PDE12: variants seen among roughly 807,000 people sequenced by gnomAD.
PDE12 encodes the protein 2',5'-phosphodiesterase 12.
PDE12 carries 26 observed loss-of-function variants against 45.4 expected under a neutral mutation model. That is an observed-to-expected ratio of 0.57 (90% CI 0.42 to 0.79). The LOEUF (loss-of-function observed/expected upper bound fraction) is 0.79, where lower values mean the gene tolerates loss of function less well. Among genes scored for constraint, PDE12 ranks in the 30% least tolerant of loss-of-function variants. The pLI is 0.00. For synonymous variants in PDE12, 283 were observed against 323.9 expected, an observed-to-expected ratio of 0.87 and a Z score of 1.36; for missense variants, 668 against 790.0, an observed-to-expected ratio of 0.85 and a Z score of 1.85.
At chr3:57,609,041 GACA>G in the PDE12 span, among the ~76,000 whole-genome samples, 1 of 152,142 alleles carries the variant, frequency 6.6e-6, no homozygotes, top group South Asian at 2.1e-4. Context: ...CTGTCTGTCA[GACA>G]ACAGTGCAAT....
the PDE12 span, among the ~76,000 whole-genome samples, chr3:57,644,981 A>T: frequency 6.6e-6 from 1 of 151,920 alleles, no homozygotes. Context: ...TGGAGATCGT[A>T]CATGCAGATT....
chr3:57,601,071 T>C, the PDE12 span: 1 of 152,156 alleles, frequency 6.6e-6, no homozygotes, highest in Non-Finnish European at 1.5e-5. Context: ...CTCAAAAGCA[T>C]GTACTCATAA....
Position 57,561,939 on chromosome 3 carries a change from A to G in PDE12, c.*1935A>G. ...TCTTGTTTAGAAAAAACTATAAATA[A>G]AAAATTGATGCTACCAAATTGTGCC... On this transcript the variant is annotated 3_prime_UTR_variant, in exon 3 of 3. Coordinates refer to ENST00000311180, the MANE Select transcript of PDE12 (RefSeq NM_177966.7). 1 of 984,860 alleles carries G rather than the reference A, an allele frequency of 1.0e-6. No homozygotes were observed. Among genetic ancestry groups the G allele is most frequent in the Non-Finnish European group, 1.2e-6 (1 of 829,394 alleles). The allele number at this position is 984,860 out of a possible 1,614,324, so 61.0% of individuals were successfully genotyped here.
At chr3:57,633,353 C>T in the PDE12 span, 1 of 1,609,936 alleles carries the variant, frequency 6.2e-7, no homozygotes, top group South Asian at 1.1e-5. Flanking sequence ...CTGTTGTACA[C>T]CCTTAAAAGA....
At chr3:57,574,829 G>A in the PDE12 span, among the ~76,000 whole-genome samples, 4 of 151,960 alleles carry the variant, frequency 2.6e-5, no homozygotes, top group African/African-American at 9.7e-5. Flanking sequence ...GACCAGCCTA[G>A]CAACAAAGCG....
At chr3:57,622,911 G>A in the PDE12 span, among the ~76,000 whole-genome samples, 3 of 152,076 alleles carry the variant, frequency 2.0e-5, no homozygotes, top group Non-Finnish European at 2.9e-5. Flanking sequence ...CTATAGTGAC[G>A]GAAAACATCT....
rs2069678835 is a variant in PDE12, at chr3:57,557,490, G to C, written c.1111G>C (p.Glu371Gln). 3.7e-6 allele frequency: 6 copies of C among 1,613,902 alleles called. No homozygotes were observed. The South Asian group carries it at 6.6e-5, about 18-fold the overall frequency. The part of the protein sequence containing the change: ...LVPALEAFGL[E>Q]GVFRIKQHEG... Reference sequence around the variant, plus strand: ...ACCCGCCCTAGAGGCCTTCGGGCTCGAGGGGGTGTTTCGAATCAAGCAGCA... The same window carrying C: ...ACCCGCCCTAGAGGCCTTCGGGCTCCAGGGGGTGTTTCGAATCAAGCAGCA... Residue 371 changes from glutamate to glutamine, a missense_variant, in exon 1 of 3, where the codon GAG becomes CAG. Physicochemically the swap from Glu to Gln is conservative, Grantham distance 29 (BLOSUM62 2). Coordinates refer to ENST00000311180, the MANE Select transcript of PDE12 (RefSeq NM_177966.7).
At position 57,559,228 on chromosome 3, in the gene PDE12, C is replaced by A. The variant is rs2069699820; in HGVS notation, c.1309-82C>A. On this transcript the variant is annotated intron_variant, in intron 1 of 2. Coordinates refer to ENST00000311180, the MANE Select transcript of PDE12 (RefSeq NM_177966.7). ...AGAGTGAGACTGTCTCGAAAAAACTCAAAAAAACAAACAAACAAACAAAAA... is the reference window on the plus strand; with the variant it reads ...AGAGTGAGACTGTCTCGAAAAAACTAAAAAAAACAAACAAACAAACAAAAA... 2.4e-6 allele frequency: 3 copies of A among 1,238,340 alleles called. No homozygotes were observed. The South Asian group carries it at 3.8e-5, about 16-fold the overall frequency. The allele number at this position is 1,238,340 out of a possible 1,614,324, so 76.7% of individuals were successfully genotyped here.
At chr3:57,586,317 G>A in the PDE12 span, among the ~76,000 whole-genome samples, 2 of 152,236 alleles carry the variant, frequency 1.3e-5, no homozygotes, top group Admixed American at 1.3e-4. Flanking sequence ...GCATGACTTA[G>A]CACATAAAAG....
the PDE12 span, among the ~76,000 whole-genome samples, chr3:57,612,544 G>A: frequency 2.0e-5 from 3 of 152,118 alleles, no homozygotes; most frequent in Middle Eastern, 3.4e-3. Context: ...AGGCCGAGGC[G>A]GGCGGATCAC....
At chr3:57,576,484 T>G in the PDE12 span, among the ~76,000 whole-genome samples, 3 of 150,400 alleles carry the variant, frequency 2.0e-5, no homozygotes, top group Non-Finnish European at 3.0e-5. Flanking sequence ...TTATAGTGTG[T>G]GAAGTATGTC....
the PDE12 span, among the ~76,000 whole-genome samples, chr3:57,641,414 A>G: frequency 6.8e-6 from 1 of 147,472 alleles, no homozygotes; most frequent in Non-Finnish European, 1.5e-5. Context: ...TATAAGTGTT[A>G]TATTATTATT....
chr3:57,560,707 C>G lies in PDE12; in HGVS notation c.*703C>G. The G allele has an allele frequency of 1.0e-6, 1 of 983,800 alleles. No individual in the cohort carries two copies. The highest frequency in any genetic ancestry group is 1.2e-6 in the Non-Finnish European group (1 of 828,212). 60.9% of individuals were successfully genotyped at this position (983,800 alleles called of 1,614,324 possible). On this transcript the variant is annotated 3_prime_UTR_variant, in exon 3 of 3. Coordinates refer to ENST00000311180, the MANE Select transcript of PDE12 (RefSeq NM_177966.7). Reference sequence around the variant, plus strand: ...TACCATTTGAATGATCTTAATTTTTCTTTCATGACAACACATTCCAAAATG... The same window carrying G: ...TACCATTTGAATGATCTTAATTTTTGTTTCATGACAACACATTCCAAAATG...
chr3:57,637,918 G>C, the PDE12 span, among the ~76,000 whole-genome samples: 1 of 151,920 alleles, frequency 6.6e-6, no homozygotes, highest in East Asian at 1.9e-4. Context: ...AGTGGATCAC[G>C]AGGTCAGGAA....
chr3:57,630,628 T>A, the PDE12 span: 2 of 1,531,634 alleles, frequency 1.3e-6, no homozygotes, highest in Non-Finnish European at 1.8e-6. Context: ...TAGAATTTTT[T>A]AAAAAGAATA....
downstream of PDE12, among the ~76,000 whole-genome samples, chr3:57,568,758 T>G (rs1352170941): frequency 6.6e-6 from 1 of 151,510 alleles, no homozygotes; most frequent in African/African-American, 2.4e-5. Flanking sequence ...AGTGGAAAAT[T>G]TCATGGAAAT....
At chr3:57,617,737 C>T in the PDE12 span, among the ~76,000 whole-genome samples, 28 of 151,986 alleles carry the variant, frequency 1.8e-4, no homozygotes, top group African/African-American at 6.7e-4. Context: ...TGTAGTGGCA[C>T]ACACCTGTGG....
chr3:57,628,861 G>A, the PDE12 span: 2 of 1,612,854 alleles, frequency 1.2e-6, no homozygotes, highest in Admixed American at 3.4e-5. Flanking sequence ...ACTTCTGTGT[G>A]TTTCTGGATC....
chr3:57,606,205 C>T, the PDE12 span, among the ~76,000 whole-genome samples: 2,411 of 151,968 alleles, frequency 0.016, 60 homozygotes, highest in African/African-American at 0.055. Flanking sequence ...TAAGTTGAAA[C>T]CAGTGATAAA....
Sources: allele counts gnomAD v4.1 joint callset (sites outside exome capture counted in the v4.1 genomes callset), GRCh38; gene constraint gnomAD v4.1.1; transcripts MANE v1.5; gene names NCBI Gene and HGNC (gene_info 2026-07-23, HGNC 2026-07-21).